Variants in AGTR1 observed in about 807,000 individuals in gnomAD.
AGTR1 encodes angiotensin II receptor type 1.
Under a neutral mutation model 19.4 loss-of-function variants are expected in AGTR1, and 16 were observed. The observed-to-expected ratio is 0.82, with a 90% CI of 0.56 to 1.25. The LOEUF is 1.25. Among genes scored for constraint, AGTR1 ranks in the 50% most tolerant of loss-of-function variants. The pLI, the probability that AGTR1 is intolerant of heterozygous loss-of-function variation, is 0.00. For synonymous variants in AGTR1, 153 were observed against 154.9 expected (o/e 0.99, Z 0.09); for missense variants, 373 against 431.9 (o/e 0.86, Z 1.21).
Position 148,734,101 on chromosome 3 carries a change from GTTTAA to G in AGTR1, c.-47-6883_-47-6879del, listed in dbSNP as rs980418739. On this transcript the variant is annotated intron_variant, in intron 2 of 2. Transcript: ENST00000349243. The stretch of plus-strand genomic sequence containing the variant: ...TTGGGGCATTCATCACAACTGAGTT[GTTTAA>G]TTTATAGTAAGTGGGAACTTTTAGA... Among the ~76,000 whole-genome samples, 33 of 152,288 alleles carry G rather than the reference GTTTAA, an allele frequency of 2.2e-4. 1 individual carries two copies. The East Asian group carries it at 5.6e-3, about 26-fold the overall frequency.
intron 2 of AGTR1, among the ~76,000 whole-genome samples, chr3:148,728,908 G>A (rs1559929563): frequency 6.6e-6 from 1 of 152,202 alleles, no homozygotes; most frequent in Non-Finnish European, 1.5e-5. Flanking sequence ...TGGCTTATTT[G>A]AAATTTCTGC....
At chr3:148,732,342 C>T (rs1714303673) in intron 2 of AGTR1, among the ~76,000 whole-genome samples, 1 of 152,146 alleles carries the variant, frequency 6.6e-6, no homozygotes, top group South Asian at 2.1e-4. Context: ...ACATTGACCT[C>T]GTTAGTCTAG....
chr3:148,718,884 A>T (rs934770543), intron 2 of AGTR1, among the ~76,000 whole-genome samples: 5 of 152,206 alleles, frequency 3.3e-5, no homozygotes, highest in Non-Finnish European at 4.4e-5. Context: ...TTTTGAAGAA[A>T]ATAAATTTTG....
intron 2 of AGTR1, among the ~76,000 whole-genome samples, chr3:148,733,160 C>A (rs140912360): frequency 1.1e-4 from 17 of 152,142 alleles, no homozygotes; most frequent in African/African-American, 4.1e-4. Flanking sequence ...AACCTCAGTC[C>A]GCTCCCACAT....
chr3:148,706,670 T>C (rs1700673290), intron 1 of AGTR1, among the ~76,000 whole-genome samples: 2 of 151,930 alleles, frequency 1.3e-5, no homozygotes, highest in South Asian at 4.2e-4. Flanking sequence ...ATAAACAACC[T>C]AATTGAAACA....
intron 1 of AGTR1, among the ~76,000 whole-genome samples, chr3:148,707,661 C>T (rs917202230): frequency 6.6e-6 from 1 of 152,158 alleles, no homozygotes; most frequent in South Asian, 2.1e-4. Context: ...AATGAGACTG[C>T]ACTATTTTAC....
chr3:148,714,191 G>C (rs1353277249), intron 2 of AGTR1, among the ~76,000 whole-genome samples: 1 of 152,130 alleles, frequency 6.6e-6, no homozygotes, highest in East Asian at 1.9e-4. Context: ...TGAGCACAAA[G>C]TCGTGAGCAA....
At chr3:148,720,072 C>A (rs1713543869) in intron 2 of AGTR1, among the ~76,000 whole-genome samples, 1 of 152,180 alleles carries the variant, frequency 6.6e-6, no homozygotes, top group Non-Finnish European at 1.5e-5. Context: ...ATCTCTTTAT[C>A]TTGAAAAGTT....
chr3:148,713,492 G>A (rs1053036821), intron 2 of AGTR1, among the ~76,000 whole-genome samples: 9 of 152,118 alleles, frequency 5.9e-5, no homozygotes, highest in East Asian at 1.9e-4. Flanking sequence ...ATGAAATGTC[G>A]CAAATCAATT....
At chr3:148,719,114 T>G (rs976298684) in intron 2 of AGTR1, among the ~76,000 whole-genome samples, 22 of 152,214 alleles carry the variant, frequency 1.4e-4, no homozygotes, top group Non-Finnish European at 2.9e-4. Context: ...GTATTGAAGT[T>G]GAAAGCTGGA....
chr3:148,737,152 T>C (rs1256903050), intron 2 of AGTR1, among the ~76,000 whole-genome samples: 1 of 152,178 alleles, frequency 6.6e-6, no homozygotes, highest in Non-Finnish European at 1.5e-5. Context: ...GTAGCAGAAG[T>C]GCAGACTGGG....
At chr3:148,733,734 T>C (rs1358743256) in intron 2 of AGTR1, among the ~76,000 whole-genome samples, 1 of 152,222 alleles carries the variant, frequency 6.6e-6, no homozygotes, top group African/African-American at 2.4e-5. Flanking sequence ...ATAATTCTTG[T>C]GAGAAAATTC....
intron 1 of AGTR1, among the ~76,000 whole-genome samples, chr3:148,705,957 T>G (rs1173742457): frequency 6.6e-6 from 1 of 152,000 alleles, no homozygotes. Context: ...CATGCATATC[T>G]GTGGAGCCAA....
intron 2 of AGTR1, among the ~76,000 whole-genome samples, chr3:148,718,045 G>A (rs370877806): frequency 2.6e-5 from 4 of 152,182 alleles, no homozygotes; most frequent in African/African-American, 9.7e-5. Flanking sequence ...GGAAATTGTT[G>A]TGTTTTAATA....
intron 2 of AGTR1, among the ~76,000 whole-genome samples, chr3:148,719,972 C>T (rs1713533348): frequency 6.6e-6 from 1 of 152,200 alleles, no homozygotes; most frequent in African/African-American, 2.4e-5. Flanking sequence ...TTAAAGTTCT[C>T]TTTCACTTCA....
chr3:148,729,374 C>T (rs1041616766), intron 2 of AGTR1, among the ~76,000 whole-genome samples: 6 of 152,162 alleles, frequency 3.9e-5, no homozygotes, highest in Admixed American at 3.3e-4. Flanking sequence ...CAACCCAGAA[C>T]GTGCATTTTA....
At chr3:148,703,403 A>G (rs1029111006) in intron 1 of AGTR1, among the ~76,000 whole-genome samples, 1 of 152,178 alleles carries the variant, frequency 6.6e-6, no homozygotes, top group Non-Finnish European at 1.5e-5. Context: ...GGGAAAAGAA[A>G]CACAGTGTAC....
In AGTR1 at chr3:148,706,325, C is replaced by T. The variant is rs578067872; in HGVS notation, c.-131-1619C>T. 1.1e-4 allele frequency among the ~76,000 whole-genome samples: 16 copies of T among 151,976 alleles called. No individual in the cohort carries two copies. In the South Asian group the frequency reaches 2.3e-3, roughly 22 times the overall value. ...TGGGAACTTTCTTTTGTTAATAGAT[C>T]CTTCCAATGCTAACATTATTCTGTA... On this transcript the variant is annotated intron_variant, in intron 1 of 2. Transcript: ENST00000349243.
intron 2 of AGTR1, among the ~76,000 whole-genome samples, chr3:148,709,726 C>T (rs1477998683): frequency 6.6e-6 from 1 of 152,102 alleles, no homozygotes; most frequent in Non-Finnish European, 1.5e-5. Context: ...CTGAACTTTG[C>T]AATCTCCCTT....
Sources: allele counts gnomAD v4.1 joint callset (sites outside exome capture counted in the v4.1 genomes callset), GRCh38; gene constraint gnomAD v4.1.1; transcripts MANE v1.5; gene names NCBI Gene and HGNC (gene_info 2026-07-23, HGNC 2026-07-21).